PPP2R2C: variants seen among roughly 807,000 people sequenced by gnomAD.
The protein encoded by PPP2R2C is protein phosphatase 2 regulatory subunit Bgamma.
PPP2R2C carries 10 observed loss-of-function variants against 45.3 expected under a neutral mutation model. That is an observed-to-expected ratio of 0.22 (90% CI 0.14 to 0.37). The LOEUF is 0.37. Among genes scored for constraint, PPP2R2C ranks in the 10% least tolerant of loss-of-function variants. PPP2R2C has a pLI of 1.00. For synonymous variants in PPP2R2C, 257 were observed against 245.4 expected (o/e 1.05, Z -0.44); for missense variants, 308 against 619.7 (o/e 0.50, Z 5.34).
intron 3 of PPP2R2C, among the ~76,000 whole-genome samples, chr4:6,376,917 A>T (rs563188473): frequency 2.4e-4 from 36 of 152,276 alleles, no homozygotes; most frequent in African/African-American, 8.2e-4. Context: ...CCTGCCTTTG[A>T]GGTGCATGGC....
At chr4:6,533,030 G>C (rs775925845) in intron 2 of PPP2R2C, among the ~76,000 whole-genome samples, 2 of 152,230 alleles carry the variant, frequency 1.3e-5, no homozygotes, top group Non-Finnish European at 2.9e-5. Context: ...TGGAGGCAGG[G>C]GTAAGCAGGG....
rs778136971 is a variant in PPP2R2C at position 6,323,272 on chromosome 4, TG to T, written c.*29del. 3 of 1,563,184 alleles carry T rather than the reference TG, an allele frequency of 1.9e-6. No individual in the cohort carries two copies. In the African/African-American group the frequency reaches 4.0e-5, roughly 21 times the overall value. On this transcript the variant is annotated 3_prime_UTR_variant, in exon 9 of 9. Transcript: ENST00000382599. ...ATGTCGGGGATGACTTGCATGAGGC[TG>T]GGTGGCAGGGGCCGGGAACTGCACA...
chr4:6,481,625 T>A (rs1364630624), intron 2 of PPP2R2C, among the ~76,000 whole-genome samples: 1 of 152,160 alleles, frequency 6.6e-6, no homozygotes, highest in Admixed American at 6.5e-5. Context: ...AAAATTGTCT[T>A]GGTTATTCTT....
chr4:6,459,970 C>T (rs1209441906), intron 1 of PPP2R2C, among the ~76,000 whole-genome samples: 1 of 152,162 alleles, frequency 6.6e-6, no homozygotes, highest in Non-Finnish European at 1.5e-5. Flanking sequence ...AGCCATTCCA[C>T]ACCCTAGGGA....
intron 2 of PPP2R2C, among the ~76,000 whole-genome samples, chr4:6,482,271 C>T (rs1019181132): frequency 2.6e-5 from 4 of 152,184 alleles, no homozygotes; most frequent in South Asian, 4.1e-4. Flanking sequence ...TTCCCAGCTT[C>T]CCTGTGAGGT....
intron 6 of PPP2R2C, among the ~76,000 whole-genome samples, chr4:6,339,235 T>A (rs957446563): frequency 1.3e-5 from 2 of 152,236 alleles, no homozygotes; most frequent in African/African-American, 4.8e-5. Flanking sequence ...CAGGGTCCCC[T>A]CATGGGGCTG....
rs1439812424 is a variant in PPP2R2C, at chr4:6,471,045, A to G, written c.70+1115T>C. ...TTTCCGGCAGAGCCAGGCTTCGAGGAGGCGGACCCAGCCGCAGGAGCCCGG... is the reference window on the plus strand; with the variant it reads ...TTTCCGGCAGAGCCAGGCTTCGAGGGGGCGGACCCAGCCGCAGGAGCCCGG... On this transcript the variant is annotated intron_variant, in intron 1 of 8. Coordinates refer to ENST00000382599, the MANE Select transcript of PPP2R2C (RefSeq NM_020416.4). The surrounding 1 kb of genome is among the most constrained non-coding windows in gnomAD (Gnocchi z 5.6). Among the ~76,000 whole-genome samples the G allele has an allele frequency of 6.6e-6, 1 of 152,040 alleles. No individual in the cohort carries two copies. The highest frequency in any genetic ancestry group is 1.5e-5 in the Non-Finnish European group (1 of 67,974).
At chr4:6,440,079 C>T (rs1244831422) in intron 1 of PPP2R2C, among the ~76,000 whole-genome samples, 1 of 152,160 alleles carries the variant, frequency 6.6e-6, no homozygotes, top group Non-Finnish European at 1.5e-5. Context: ...GGCTGGGTGG[C>T]CCATCTTTTC....
upstream of PPP2R2C, among the ~76,000 whole-genome samples, chr4:6,473,877 G>A (rs768781001): frequency 6.6e-6 from 1 of 152,228 alleles, no homozygotes; most frequent in Non-Finnish European, 1.5e-5. Context: ...CCTATGAGGA[G>A]ATGAAAGCCC....
intron 5 of PPP2R2C, among the ~76,000 whole-genome samples, chr4:6,359,401 G>A (rs539469948): frequency 1.1e-3 from 168 of 152,200 alleles, no homozygotes; most frequent in Non-Finnish European, 2.0e-3. Context: ...TGTAAATGAC[G>A]AGTTGATGGG....
intron 1 of PPP2R2C, among the ~76,000 whole-genome samples, chr4:6,448,762 G>A (rs2108743369): frequency 6.6e-6 from 1 of 152,274 alleles, no homozygotes; most frequent in Non-Finnish European, 1.5e-5. Context: ...CCTGTGCCTG[G>A]CTGTCCTCCT....
intron 5 of PPP2R2C, chr4:6,350,000 CTG>C: frequency 3.0e-6 from 3 of 985,368 alleles, no homozygotes; most frequent in Non-Finnish European, 3.6e-6. Flanking sequence ...AAAAGGGTCT[CTG>C]TGCTCGTGCT....
At chr4:6,399,375 C>G (rs7671165) in intron 1 of PPP2R2C, among the ~76,000 whole-genome samples, 2 of 152,050 alleles carry the variant, frequency 1.3e-5, no homozygotes, top group African/African-American at 4.8e-5. Flanking sequence ...ATCCCCTCAA[C>G]GTAATCGAGT....
chr4:6,418,668 T>C (rs1472240985), intron 1 of PPP2R2C, among the ~76,000 whole-genome samples: 1 of 152,194 alleles, frequency 6.6e-6, no homozygotes, highest in Non-Finnish European at 1.5e-5. Flanking sequence ...ACTTCAGAGA[T>C]GACTCAGCCA....
At chr4:6,406,190 T>C (rs1577154022) in intron 1 of PPP2R2C, among the ~76,000 whole-genome samples, 1 of 152,348 alleles carries the variant, frequency 6.6e-6, no homozygotes, top group South Asian at 2.1e-4. Flanking sequence ...CCTGAATGTG[T>C]CTGATGTGCT....
chr4:6,354,959 C>T (rs1412053385), intron 5 of PPP2R2C, among the ~76,000 whole-genome samples: 1 of 152,190 alleles, frequency 6.6e-6, no homozygotes, highest in East Asian at 1.9e-4. Context: ...CAGATCCCTG[C>T]CTCAATGCTC....
chr4:6,410,374 CCT>C (rs1718082565), intron 1 of PPP2R2C, among the ~76,000 whole-genome samples: 1 of 152,152 alleles, frequency 6.6e-6, no homozygotes, highest in African/African-American at 2.4e-5. Context: ...ACTCTCGACC[CCT>C]GACTCGGGGG....
chr4:6,480,361 G>T (rs538413750), intron 2 of PPP2R2C, among the ~76,000 whole-genome samples: 1 of 152,080 alleles, frequency 6.6e-6, no homozygotes, highest in Admixed American at 6.5e-5. Context: ...GAACCTTCTC[G>T]CAAGAGCTGA....
chr4:6,481,553 G>GA (rs1401515184), intron 2 of PPP2R2C, among the ~76,000 whole-genome samples: 15 of 152,176 alleles, frequency 9.9e-5, no homozygotes, highest in African/African-American at 3.6e-4. Flanking sequence ...CTGCCGTAGA[G>GA]AGACAGCTTT....
Sources: gnomAD v4.1 joint callset for allele counts (sites outside exome capture counted in the v4.1 genomes callset) on GRCh38, gnomAD v4.1.1 for gene constraint, Gnocchi (gnomAD v3.1) non-coding constraint, MANE v1.5 for transcripts, NCBI Gene and HGNC (gene_info 2026-07-23, HGNC 2026-07-21) for gene names.